DACH1: variants seen among roughly 807,000 people sequenced by gnomAD.
The protein encoded by DACH1 is dachshund homolog 1.
Under a neutral mutation model 54.2 loss-of-function variants are expected in DACH1, and 12 were observed. The observed-to-expected ratio is 0.22, with a 90% CI of 0.14 to 0.36. The LOEUF (loss-of-function observed/expected upper bound fraction) is 0.36. Ranked by LOEUF, DACH1 falls within the 10% of genes least tolerant of loss-of-function variation. The pLI is 1.00. For synonymous variants in DACH1, 386 were observed against 366.2 expected (o/e 1.05, Z -0.62); for missense variants, 805 against 929.8 (o/e 0.87, Z 1.75).
intron 1 of DACH1, among the ~76,000 whole-genome samples, chr13:71,833,210 C>A (rs1566530572): frequency 1.3e-5 from 2 of 151,852 alleles, no homozygotes; most frequent in Non-Finnish European, 2.9e-5. Flanking sequence ...GTGAGAAATA[C>A]CTGCCCCAGG....
intron 1 of DACH1, among the ~76,000 whole-genome samples, chr13:71,803,128 A>G (rs1217009763): frequency 2.0e-5 from 3 of 152,280 alleles, no homozygotes; most frequent in East Asian, 1.9e-4. Context: ...CACATCAATA[A>G]AAAGTATTTA....
chr13:71,599,391 C>T (rs1407347091), intron 3 of DACH1, among the ~76,000 whole-genome samples: 2 of 152,100 alleles, frequency 1.3e-5, no homozygotes, highest in Non-Finnish European at 2.9e-5. Flanking sequence ...AATGGAAATG[C>T]TGTTAAACAA....
chr13:71,748,210 A>AG (rs1395019605), intron 1 of DACH1, among the ~76,000 whole-genome samples: 1 of 151,352 alleles, frequency 6.6e-6, no homozygotes, highest in Non-Finnish European at 1.5e-5. Flanking sequence ...AACAATGTTG[A>AG]GGGGGGGAAA....
At chr13:71,651,718 G>C (rs1181484149) in intron 2 of DACH1, among the ~76,000 whole-genome samples, 2 of 144,422 alleles carry the variant, frequency 1.4e-5, no homozygotes, top group African/African-American at 2.6e-5. Context: ...ATATGTATAT[G>C]TATATGTGTG....
At chr13:71,789,700 G>A in intron 1 of DACH1, among the ~76,000 whole-genome samples, 1 of 152,220 alleles carries the variant, frequency 6.6e-6, no homozygotes, top group South Asian at 2.1e-4. Flanking sequence ...GTATATATGA[G>A]TGAGTGATTG....
intron 1 of DACH1, among the ~76,000 whole-genome samples, chr13:71,743,340 A>G (rs1884482209): frequency 6.6e-6 from 1 of 152,170 alleles, no homozygotes; most frequent in African/African-American, 2.4e-5. Flanking sequence ...TGGAAATAGA[A>G]TCCTAATAGT....
chr13:71,643,844 A>G (rs1228881969), intron 2 of DACH1, among the ~76,000 whole-genome samples: 1 of 152,102 alleles, frequency 6.6e-6, no homozygotes, highest in Non-Finnish European at 1.5e-5. Context: ...TTCCTAGCTC[A>G]GGGAAAGAAG....
intron 1 of DACH1, among the ~76,000 whole-genome samples, chr13:71,769,151 T>A (rs1243582638): frequency 3.3e-5 from 5 of 151,780 alleles, no homozygotes; most frequent in Admixed American, 2.6e-4. Flanking sequence ...CCAGATGACA[T>A]GATTCATTTG....
chr13:71,832,749 A>C (rs1423612650), intron 1 of DACH1, among the ~76,000 whole-genome samples: 1 of 151,990 alleles, frequency 6.6e-6, no homozygotes, highest in African/African-American at 2.4e-5. Flanking sequence ...AAGAGAAGGC[A>C]TGATATCCAG....
intron 6 of DACH1, among the ~76,000 whole-genome samples, chr13:71,515,942 TTC>T (rs1273690067): frequency 3.3e-5 from 5 of 151,866 alleles, no homozygotes; most frequent in African/African-American, 1.2e-4. Context: ...CAACCACTAT[TTC>T]TCTGTCAGAG....
At chr13:71,757,564 C>T (rs904263135) in intron 1 of DACH1, among the ~76,000 whole-genome samples, 2 of 149,990 alleles carry the variant, frequency 1.3e-5, no homozygotes, top group East Asian at 3.9e-4. Context: ...TGCTCTGTCG[C>T]CCAGGCTGGA....
intron 2 of DACH1, among the ~76,000 whole-genome samples, chr13:71,661,665 T>C (rs921695362): frequency 7.2e-5 from 11 of 151,974 alleles, no homozygotes; most frequent in Non-Finnish European, 5.9e-5. Flanking sequence ...TGAAATTAAG[T>C]TTATTTCTAT....
intron 6 of DACH1, among the ~76,000 whole-genome samples, chr13:71,534,675 A>C (rs1882638349): frequency 6.6e-6 from 1 of 151,788 alleles, no homozygotes; most frequent in South Asian, 2.1e-4. Context: ...TAATACTTAC[A>C]TTAAGAACTC....
chr13:71,573,034 C>T, intron 3 of DACH1, 22 bp from the exon 4 acceptor site: 2 of 1,607,666 alleles, frequency 1.2e-6, no homozygotes, highest in East Asian at 2.2e-5. Context: ...GCACATATAT[C>T]ATCATTGCTC....
chr13:71,724,284 C>T (rs1270520125), intron 1 of DACH1, among the ~76,000 whole-genome samples: 3 of 152,164 alleles, frequency 2.0e-5, no homozygotes, highest in Admixed American at 2.0e-4. Flanking sequence ...TGAAAACCTT[C>T]ATCAAAACTG....
At chr13:71,862,783 G>C (rs1449532646) in intron 1 of DACH1, among the ~76,000 whole-genome samples, 1 of 151,984 alleles carries the variant, frequency 6.6e-6, no homozygotes, top group Non-Finnish European at 1.5e-5. Context: ...CATCATTTCG[G>C]TTCCTCAAAA....
At chr13:71,718,410 C>A (rs1883080513) in intron 1 of DACH1, among the ~76,000 whole-genome samples, 1 of 151,824 alleles carries the variant, frequency 6.6e-6, no homozygotes, top group African/African-American at 2.4e-5. Flanking sequence ...CATAGCGAGA[C>A]CTCATTTCCA....
At chr13:71,653,105 C>G (rs1246897351) in intron 2 of DACH1, among the ~76,000 whole-genome samples, 2 of 152,084 alleles carry the variant, frequency 1.3e-5, no homozygotes, top group Non-Finnish European at 2.9e-5. Context: ...CTAATTTTGA[C>G]CTACAAAGTG....
At chr13:71,774,393 G>A (rs1885980745) in intron 1 of DACH1, among the ~76,000 whole-genome samples, 1 of 152,060 alleles carries the variant, frequency 6.6e-6, no homozygotes, top group Admixed American at 6.6e-5. Flanking sequence ...ATAACATAGT[G>A]TTCTTTAAAT....
Sources: gnomAD v4.1 joint callset for allele counts (sites outside exome capture counted in the v4.1 genomes callset) on GRCh38, gnomAD v4.1.1 for gene constraint, MANE v1.5 for transcripts, NCBI Gene and HGNC (gene_info 2026-07-23, HGNC 2026-07-21) for gene names.